Variants in PSMC1 observed in about 807,000 individuals in gnomAD.
PSMC1 encodes 26S proteasome regulatory subunit 4.
In PSMC1, 5 loss-of-function variants were observed where a neutral mutation model predicts 49.8. The ratio of observed to expected loss-of-function variants is 0.10; its 90% CI spans 0.05 to 0.21. The LOEUF is 0.21. PSMC1 is among the 10% of genes least tolerant of loss of function. PSMC1 has a pLI of 1.00. For missense variants in PSMC1, 181 were observed against 535.7 expected, an observed-to-expected ratio of 0.34 and a Z score of 6.54; for synonymous variants, 155 against 192.1, an observed-to-expected ratio of 0.81 and a Z score of 1.60.
rs751163719 is a variant in PSMC1, at chr14:90,272,227, T to TA, written c.1189-41dup. The TA allele has an allele frequency of 4.4e-6, 7 of 1,593,706 alleles. No homozygotes were observed. Among genetic ancestry groups the TA allele is most frequent in the Non-Finnish European group, 5.1e-6 (6 of 1,174,290 alleles). On this transcript the variant is annotated intron_variant, in intron 10 of 10. Coordinates refer to ENST00000261303, the MANE Select transcript of PSMC1 (RefSeq NM_002802.3). This position sits in a 1 kb window ranked among gnomAD's most constrained non-coding sequence, Gnocchi z 4.5. The stretch of plus-strand genomic sequence containing the variant: ...GGTTTTTTGGAATTCCTTGTTAGAA[T>TA]AAAAATGAGTATGTCACTTTCTGAA...
At chr14:90,261,852 T>C (rs11850694) in intron 3 of PSMC1, among the ~76,000 whole-genome samples, 78,478 of 144,982 alleles carry the variant, frequency 0.54, 22,042 homozygotes, top group Middle Eastern at 0.71. Context: ...CCCATGCACA[T>C]GTATGTTTAT....
chr14:90,259,314 G>A (rs1891351766), intron 2 of PSMC1, 101 bp downstream of exon 2: 1 of 1,098,004 alleles, frequency 9.1e-7, no homozygotes, highest in Admixed American at 2.1e-5. Context: ...TTAAAAAGTA[G>A]AATGATCCAG....
intron 9 of PSMC1, 44 bp downstream of exon 9, chr14:90,269,592 A>G (rs1272909314): frequency 4.4e-6 from 7 of 1,590,322 alleles, no homozygotes; most frequent in South Asian, 2.3e-5. Flanking sequence ...ATGTGTTTAT[A>G]TATTTGTGTT....
intron 7 of PSMC1, among the ~76,000 whole-genome samples, chr14:90,266,783 C>T (rs377171749): frequency 4.6e-5 from 7 of 152,230 alleles, no homozygotes; most frequent in African/African-American, 1.7e-4. Context: ...TGGAAAGGTC[C>T]TATTTGTTTT....
intron 7 of PSMC1, among the ~76,000 whole-genome samples, chr14:90,265,551 T>A (rs959063434): frequency 6.6e-6 from 1 of 151,602 alleles, no homozygotes; most frequent in Non-Finnish European, 1.5e-5. Context: ...TAGCCGGGTG[T>A]GGTGACGTGC....
intron 1 of PSMC1, among the ~76,000 whole-genome samples, chr14:90,257,402 C>T (rs1407272474): frequency 2.6e-5 from 4 of 152,042 alleles, no homozygotes; most frequent in Non-Finnish European, 4.4e-5. Context: ...GGAGGAGTGG[C>T]TGCTTTTTAT....
In PSMC1 at chr14:90,260,265, C is replaced by T. The variant is rs190858297; in HGVS notation, c.154+54C>T. On this transcript the variant is annotated intron_variant, in intron 3 of 10. Transcript: ENST00000261303. ...TTCCAGTTCTTAGGATAAACCATCT[C>T]TGTGCATGTAGCTTAGAGTCTGAAA... The T allele has an allele frequency of 5.5e-5, 72 of 1,315,764 alleles. No homozygotes were observed. In the African/African-American group the frequency reaches 7.3e-4, roughly 13 times the overall value. The allele number at this position is 1,315,764 out of a possible 1,614,324, so 81.5% of individuals were successfully genotyped here. A position where few individuals can be genotyped will look rare whatever the true frequency, so the allele number is the denominator to read the frequency against.
rs1165969901 is a variant in PSMC1, at chr14:90,263,876, C to T, written c.465+29C>T. On this transcript the variant is annotated intron_variant, in intron 5 of 10. Transcript: ENST00000261303. ...AGGTGATAGTCTTTTTCAGAAAGCC[C>T]ACGGAAGTGCTTTCTCTTCTCACTT... The T allele has an allele frequency of 1.9e-6, 3 of 1,612,260 alleles. No homozygotes were observed. The African/African-American group carries it at 4.0e-5, about 21-fold the overall frequency.
chr14:90,257,841 C>G (rs1891325866), intron 1 of PSMC1, among the ~76,000 whole-genome samples: 1 of 152,178 alleles, frequency 6.6e-6, no homozygotes, highest in Non-Finnish European at 1.5e-5. Context: ...CCGCCCGCCT[C>G]GGCCTCCCAA....
At chr14:90,271,559 C>A (rs761203586) in intron 10 of PSMC1, 1 of 152,186 alleles carries the variant, frequency 6.6e-6, no homozygotes, top group Non-Finnish European at 1.5e-5. Flanking sequence ...AACCAGAATA[C>A]ATGTTCTTTT....
rs1161219299 is a variant in PSMC1 at position 90,274,249 on chromosome 14, T to G, written c.*1842T>G. 6.4e-6 allele frequency: 1 copy of G among 155,478 alleles called. No homozygotes were observed. Among genetic ancestry groups the G allele is most frequent in the African/African-American group, 2.4e-5 (1 of 41,452 alleles). The allele number at this position is 155,478 out of a possible 1,614,324, so 9.6% of individuals were successfully genotyped here. On this transcript the variant is annotated 3_prime_UTR_variant, in exon 11 of 11. Coordinates refer to ENST00000261303, the MANE Select transcript of PSMC1 (RefSeq NM_002802.3). ...GAGGCTGGCATCCGTGTGGGGTGTA[T>G]GTGCAGGGCTGGGGTGGTCCGATAG...
intron 1 of PSMC1, 90 bp downstream of exon 1, chr14:90,256,690 G>T: frequency 6.5e-7 from 1 of 1,532,158 alleles, no homozygotes; most frequent in South Asian, 1.2e-5. Context: ...GCTGCCCGAG[G>T]AACTGGGACA....
rs1189566467 is a variant in PSMC1 at position 90,268,418 on chromosome 14, AC to A, written c.881+6del. The A allele has an allele frequency of 3.7e-6, 6 of 1,613,438 alleles. No individual in the cohort carries two copies. The highest frequency in any genetic ancestry group is 1.3e-5 in the African/African-American group (1 of 74,876). On this transcript the variant is annotated splice_donor_region_variant and intron_variant, in intron 8 of 10. Transcript: ENST00000261303. ...TGACGCCATTGGGACAAAAAGGTAG[AC>A]TTTCTCATACTTATTTTGCCTTGTT...
At position 90,272,256 on chromosome 14, in the gene PSMC1, A is replaced by G. The variant is rs770754493; in HGVS notation, c.1189-17A>G. On this transcript the variant is annotated splice_polypyrimidine_tract_variant and intron_variant, in intron 10 of 10. Coordinates refer to ENST00000261303, the MANE Select transcript of PSMC1 (RefSeq NM_002802.3). This position sits in a 1 kb window ranked among gnomAD's most constrained non-coding sequence, Gnocchi z 4.5. ...AATGAGTATGTCACTTTCTGAACAC[A>G]CTCTTCTTTCTTACAGGCAATCTGT... 48 of 1,600,966 alleles carry G rather than the reference A, an allele frequency of 3.0e-5. 1 individual carries two copies. The Admixed American group carries it at 8.4e-4, about 28-fold the overall frequency.
rs1891762926 is a variant in PSMC1 at position 90,274,819 on chromosome 14, CACACACACACACACACA to C, written c.*2413_*2429del. Reference sequence around the variant, plus strand: ...ACACACACACACACACACACACACACACACACACACACACACACACCCCAATACATATGAATTGATCT... The same window carrying C: ...ACACACACACACACACACACACACACCACCCCAATACATATGAATTGATCT... On this transcript the variant is annotated 3_prime_UTR_variant, in exon 11 of 11. Coordinates refer to ENST00000261303, the MANE Select transcript of PSMC1 (RefSeq NM_002802.3). 14 of 111,156 alleles carry C rather than the reference CACACACACACACACACA, an allele frequency of 1.3e-4. 1 individual carries two copies. The South Asian group carries it at 3.7e-3, about 29-fold the overall frequency. 6.9% of individuals were successfully genotyped at this position (111,156 alleles called of 1,614,324 possible).
At chr14:90,268,555 G>A in intron 8 of PSMC1, 142 bp downstream of exon 8, 1 of 756,820 alleles carries the variant, frequency 1.3e-6, no homozygotes, top group East Asian at 2.6e-5. Context: ...TTTAGGCTCT[G>A]CTCTCCCAGG....
At chr14:90,262,205 A>T (rs1268576631) in intron 3 of PSMC1, among the ~76,000 whole-genome samples, 5 of 148,900 alleles carry the variant, frequency 3.4e-5, no homozygotes, top group Non-Finnish European at 6.0e-5. Flanking sequence ...GTAAATGACG[A>T]GTTAATGAGT....
At chr14:90,271,117 T>C (rs559794323) in intron 10 of PSMC1, 43 of 152,352 alleles carry the variant, frequency 2.8e-4, no homozygotes, top group African/African-American at 9.9e-4. Context: ...GTTGCAACAA[T>C]AGCACAGTGA....
At chr14:90,268,132 G>T in intron 7 of PSMC1, 92 bp from the exon 8 acceptor site, 2 of 1,053,798 alleles carry the variant, frequency 1.9e-6, no homozygotes, top group South Asian at 1.7e-5. Flanking sequence ...GCCTGTTTTT[G>T]GTGTCCATTT....
Sources: allele counts gnomAD v4.1 joint callset (sites outside exome capture counted in the v4.1 genomes callset), GRCh38; gene constraint gnomAD v4.1.1; non-coding constraint Gnocchi (gnomAD v3.1); transcripts MANE v1.5; gene names NCBI Gene and HGNC (gene_info 2026-07-23, HGNC 2026-07-21).